Variants in PKHD1L1 observed in about 807,000 individuals in gnomAD.
PKHD1L1 encodes PKHD1 like 1.
A neutral mutation model predicts 462.9 loss-of-function variants in PKHD1L1; 434 were observed. The ratio of observed to expected loss-of-function variants is 0.94; its 90% CI spans 0.87 to 1.02. The LOEUF (loss-of-function observed/expected upper bound fraction) is 1.02, where lower values mean the gene tolerates loss of function less well. Ranked by LOEUF, PKHD1L1 falls within the 50% of genes least tolerant of loss-of-function variation. PKHD1L1 has a pLI of 0.00. For missense variants in PKHD1L1, 5,202 were observed against 5,096.1 expected (o/e 1.02, Z -0.63); for synonymous variants, 1,781 against 1,750.0 (o/e 1.02, Z -0.44).
Position 109,404,704 on chromosome 8 carries a change from G to T in PKHD1L1, c.1524G>T (p.Gln508His), listed in dbSNP as rs368260282. ...TCAAATCCCAGTCGACAATCCTCCA[G>T]GAAGTACAGGTTTGCTATGATTGCA... Reference protein sequence around the residue: ...QVIKSQSTILQEVQVITLENW... With the variant: ...QVIKSQSTILHEVQVITLENW... The change falls in exon 15 of 78, where the codon CAG becomes CAT. Residue 508 changes from glutamine to histidine, a missense_variant. By Grantham distance (24) the Gln-to-His change is conservative (BLOSUM62 0). Around this residue, in one of 3 missense-constraint regions of PKHD1L1, gnomAD observed 4,497 missense variants for 4,336.8 expected, o/e 1.04. Coordinates refer to ENST00000378402, the MANE Select transcript of PKHD1L1 (RefSeq NM_177531.6). The T allele has an allele frequency of 6.2e-6, 10 of 1,601,654 alleles. No homozygotes were observed. The African/African-American group carries it at 1.3e-4, about 21-fold the overall frequency.
chr8:109,504,763 CTATAGATGGGGTCTGAAGTGTGT>C (rs1459853245), intron 68 of PKHD1L1, among the ~76,000 whole-genome samples: 6 of 152,118 alleles, frequency 3.9e-5, no homozygotes, highest in Non-Finnish European at 8.8e-5. Context: ...AATATGAAAG[CTATAGATGGGGTCTGAAGTGTGT>C]TATACATTAA....
In PKHD1L1 at chr8:109,525,938, T is replaced by C. The variant is rs534275781; in HGVS notation, c.12485-846T>C. Among the ~76,000 whole-genome samples, 423 of 152,262 alleles carry C rather than the reference T, an allele frequency of 2.8e-3. 3 individuals carry two copies. Among genetic ancestry groups the C allele is most frequent in the Middle Eastern group, 0.027 (8 of 294 alleles). On this transcript the variant is annotated intron_variant, in intron 76 of 77. Coordinates refer to ENST00000378402, the MANE Select transcript of PKHD1L1 (RefSeq NM_177531.6). Reference sequence around the variant, plus strand: ...TCCTAAAAAAGAATGAAAACAGGAATGACTTTTTAAAAACAACACAGAAAA... The same window carrying C: ...TCCTAAAAAAGAATGAAAACAGGAACGACTTTTTAAAAACAACACAGAAAA...
At chr8:109,446,325 T>C (rs961030076) in intron 38 of PKHD1L1, among the ~76,000 whole-genome samples, 2 of 152,208 alleles carry the variant, frequency 1.3e-5, no homozygotes, top group South Asian at 2.1e-4. Context: ...AGAGCTTGGC[T>C]CTCAAATGGT....
intron 23 of PKHD1L1, among the ~76,000 whole-genome samples, chr8:109,422,617 C>G (rs1042246014): frequency 1.3e-5 from 2 of 152,050 alleles, no homozygotes; most frequent in African/African-American, 4.8e-5. Flanking sequence ...TTTACTCACC[C>G]GTTGAAGGAC....
At chr8:109,402,469 C>T (rs1433520190) in intron 14 of PKHD1L1, among the ~76,000 whole-genome samples, 1 of 152,118 alleles carries the variant, frequency 6.6e-6, no homozygotes, top group Non-Finnish European at 1.5e-5. Flanking sequence ...TGCACATGGT[C>T]TCTCATCATC....
At chr8:109,438,493 A>T (rs1426297047) in intron 31 of PKHD1L1, 37 bp downstream of exon 31, 1 of 1,494,676 alleles carries the variant, frequency 6.7e-7, no homozygotes, top group Non-Finnish European at 8.9e-7. Flanking sequence ...CATTTGTCCT[A>T]TGTATAAAAA....
chr8:109,444,844 C>T lies in PKHD1L1; in HGVS notation c.4975C>T (p.Pro1659Ser). The change falls in exon 38 of 78, where the codon CCA becomes TCA. Residue 1659 changes from proline to serine, a missense_variant. Physicochemically the swap from Pro to Ser is moderately conservative, Grantham distance 74. Around this residue, in one of 3 missense-constraint regions of PKHD1L1, gnomAD observed 4,497 missense variants for 4,336.8 expected, o/e 1.04. Coordinates refer to ENST00000378402, the MANE Select transcript of PKHD1L1 (RefSeq NM_177531.6). ...ATTTGATAGGCGATTTGTACTTTTG[C>T]CAAACATTGACCTGGTGTTGCCAAA... ...NEFDRRFVLL[P>S]NIDLVLPNAG... is the part of the protein sequence containing the mutation. 6.2e-7 allele frequency: 1 copy of T among 1,613,938 alleles called. No homozygotes were observed. Among genetic ancestry groups the T allele is most frequent in the Non-Finnish European group, 8.5e-7 (1 of 1,179,870 alleles).
In PKHD1L1 at chr8:109,518,545, T is replaced by G. The variant is rs1783169; in HGVS notation, c.12031+37T>G. 90 of 1,502,558 alleles carry G rather than the reference T, an allele frequency of 6.0e-5. 1 individual carries two copies. In the African/African-American group the frequency reaches 1.1e-3, roughly 19 times the overall value. 93.1% of individuals were successfully genotyped at this position (1,502,558 alleles called of 1,614,324 possible). Reference sequence around the variant, plus strand: ...AGGTGTTTGAGATGGAGGAATGCAATTACCAAATCCATATCCATAAATAAC... The same window carrying G: ...AGGTGTTTGAGATGGAGGAATGCAAGTACCAAATCCATATCCATAAATAAC... On this transcript the variant is annotated intron_variant, in intron 73 of 77. Coordinates refer to ENST00000378402, the MANE Select transcript of PKHD1L1 (RefSeq NM_177531.6).
At chr8:109,436,191 C>G in intron 29 of PKHD1L1, 147 bp from the exon 30 acceptor site, 1 of 785,520 alleles carries the variant, frequency 1.3e-6, no homozygotes, top group East Asian at 2.9e-5. Context: ...GCATTCATCT[C>G]AAGTCTGGTC....
In PKHD1L1 at chr8:109,523,471, A is replaced by G. The variant is rs2131034157; in HGVS notation, c.12484+85A>G. ...TCTTTTAATGAACAAAGCATTCTGTAACACTCTGGTCAATAAATTATAGAC... is the reference window on the plus strand; with the variant it reads ...TCTTTTAATGAACAAAGCATTCTGTGACACTCTGGTCAATAAATTATAGAC... On this transcript the variant is annotated intron_variant, in intron 76 of 77. Coordinates refer to ENST00000378402, the MANE Select transcript of PKHD1L1 (RefSeq NM_177531.6). The G allele has an allele frequency of 3.8e-6, 5 of 1,303,626 alleles. No homozygotes were observed. In the South Asian group the frequency reaches 7.5e-5, roughly 20 times the overall value. The allele number at this position is 1,303,626 out of a possible 1,614,324, so 80.8% of individuals were successfully genotyped here. A position where few individuals can be genotyped will look rare whatever the true frequency, so the allele number is the denominator to read the frequency against.
Position 109,441,347 on chromosome 8 carries a change from T to C in PKHD1L1, c.4172T>C (p.Ile1391Thr), listed in dbSNP as rs1586518547. 1 of 1,578,642 alleles carries C rather than the reference T, an allele frequency of 6.3e-7. No individual in the cohort carries two copies. Among genetic ancestry groups the C allele is most frequent in the Non-Finnish European group, 8.7e-7 (1 of 1,155,788 alleles). ...TGTATTCTTCATTCAACTGGGAATA[T>C]ATTCAGGATTACCAACAATGGGAAA... ...IKCILHSTGN[I>T]FRITNNGKDS... The change falls in exon 34 of 78, where the codon ATA (isoleucine) becomes ACA (threonine). Residue 1391 changes from isoleucine (I) to threonine (T), a missense_variant. Coordinates refer to ENST00000378402, the MANE Select transcript of PKHD1L1 (RefSeq NM_177531.6).
In PKHD1L1 at chr8:109,522,797, C is replaced by T. The variant is rs766121582; in HGVS notation, c.12237C>T (p.Phe4079=). The T allele has an allele frequency of 8.1e-6, 13 of 1,612,308 alleles. No homozygotes were observed. Among genetic ancestry groups the T allele is most frequent in the Middle Eastern group, 1.6e-4 (1 of 6,068 alleles). Reference sequence around the variant, plus strand: ...CATTTCCTGTTCATCACGTGGCCTTCGTGTCCTCACTCTTAGTGATCACTC... The same window carrying T: ...CATTTCCTGTTCATCACGTGGCCTTTGTGTCCTCACTCTTAGTGATCACTC... ...RSAFPVHHVA[F]VSSLLVITQP... Residue 4079 remains phenylalanine, a synonymous_variant, in exon 75 of 78, where the codon TTC becomes TTT. Transcript: ENST00000378402.
At position 109,438,385 on chromosome 8, in the gene PKHD1L1, A is replaced by G; in HGVS notation, c.3689A>G (p.Asp1230Gly). ...AATGGATTTCAAGCCACAGCAAGGG[A>G]TGCTTTTAGTTATAATTGTTTACAG... Reference protein sequence around the residue: ...TTNGFQATARDAFSYNCLQTP... With the variant: ...TTNGFQATARGAFSYNCLQTP... The change falls in exon 31 of 78, where the codon GAT becomes GGT. Residue 1230 changes from aspartate to glycine, a missense_variant. Transcript: ENST00000378402. 1.3e-6 allele frequency: 2 copies of G among 1,541,734 alleles called. No individual in the cohort carries two copies. Among genetic ancestry groups the G allele is most frequent in the South Asian group, 2.4e-5 (2 of 82,734 alleles).
At chr8:109,414,989 A>G (rs1204932727) in intron 21 of PKHD1L1, among the ~76,000 whole-genome samples, 1 of 146,806 alleles carries the variant, frequency 6.8e-6, no homozygotes, top group Non-Finnish European at 1.5e-5. Context: ...TATTATTATT[A>G]TTATTATTAT....
chr8:109,525,567 C>A (rs946395597), intron 76 of PKHD1L1, among the ~76,000 whole-genome samples: 1 of 152,138 alleles, frequency 6.6e-6, no homozygotes, highest in African/African-American at 2.4e-5. Flanking sequence ...GAGGTCATAT[C>A]TCTATGGACC....
At chr8:109,384,182 A>G in intron 5 of PKHD1L1, 55 bp downstream of exon 5, 1 of 1,236,262 alleles carries the variant, frequency 8.1e-7, no homozygotes, top group East Asian at 2.3e-5. Flanking sequence ...TAATGTGTTT[A>G]TTTTTTAGTA....
At chr8:109,370,803 C>G (rs1263951717) in intron 2 of PKHD1L1, among the ~76,000 whole-genome samples, 1 of 152,134 alleles carries the variant, frequency 6.6e-6, no homozygotes, top group Non-Finnish European at 1.5e-5. Context: ...ATGATGGTTT[C>G]CAGCTTCATC....
chr8:109,401,547 A>G lies in PKHD1L1; in HGVS notation c.1332A>G (p.Pro444=), dbSNP rs1241598392. The change falls in exon 14 of 78, where the codon CCA becomes CCG. Residue 444 remains proline, a synonymous_variant. Transcript: ENST00000378402. The part of the protein sequence containing the change: ...SANANSYFSS[P]TQRSDDIHLQ... ...ATGCCAACAGTTATTTTTCCAGTCC[A>G]ACACAAAGATCAGATGATATTCATC... is the stretch of plus-strand genomic sequence containing the variant. The G allele has an allele frequency of 1.9e-6, 3 of 1,594,486 alleles. No individual in the cohort carries two copies. Among genetic ancestry groups the G allele is most frequent in the Middle Eastern group, 1.7e-4 (1 of 6,014 alleles).
At chr8:109,493,596 A>T in intron 62 of PKHD1L1, 65 bp from the exon 63 acceptor site, 1 of 1,031,466 alleles carries the variant, frequency 9.7e-7, no homozygotes, top group Non-Finnish European at 1.4e-6. Context: ...TCATATACTT[A>T]CTCTCGATTT....
Sources: allele counts gnomAD v4.1 joint callset (sites outside exome capture counted in the v4.1 genomes callset), GRCh38; gene constraint gnomAD v4.1.1; regional missense constraint gnomAD v4.1.1; transcripts MANE v1.5; gene names NCBI Gene and HGNC (gene_info 2026-07-23, HGNC 2026-07-21).